Variants in PAQR9 observed in about 807,000 individuals in gnomAD.
PAQR9 encodes membrane progestin receptor epsilon.
PAQR9 carries 12 observed loss-of-function variants against 24.0 expected under a neutral mutation model. The ratio of observed to expected loss-of-function variants is 0.50; its 90% CI spans 0.32 to 0.81. The LOEUF (loss-of-function observed/expected upper bound fraction) is 0.81, where lower values mean the gene tolerates loss of function less well. Ranked by LOEUF, PAQR9 falls within the 30% of genes least tolerant of loss-of-function variation. The probability of loss-of-function intolerance (pLI) is 0.03; values close to 1 mark genes in which losing one functional copy is unlikely to be tolerated. For missense variants in PAQR9, 418 were observed against 520.8 expected (o/e 0.80, Z 1.92); for synonymous variants, 266 against 237.6 (o/e 1.12, Z -1.10).
chr3:142,959,474 T>C lies in PAQR9; in HGVS notation c.*2729A>G, dbSNP rs1934852549. ...TTCAACTAGAATGTCCTCTTGTCAT[T>C]ATTATATGTGGTCTACAAAATCTAA... On this transcript the variant is annotated 3_prime_UTR_variant, in exon 1 of 1. Coordinates refer to ENST00000340634, the MANE Select transcript of PAQR9 (RefSeq NM_198504.4). Among the ~76,000 whole-genome samples, 1 of 152,198 alleles carries C rather than the reference T, an allele frequency of 6.6e-6. No homozygotes were observed. Among genetic ancestry groups the C allele is most frequent in the African/African-American group, 2.4e-5 (1 of 41,452 alleles).
In PAQR9 at chr3:142,962,530, C is replaced by T; in HGVS notation, c.807G>A (p.Glu269=). ...AGAAGTGCACGAAGAGTGTGGGGTT[C>T]TCCCCACGCAGGTCGAAGAGCCAGC... is the stretch of plus-strand genomic sequence containing the variant. ...LESWLFDLRG[E]NPTLFVHFYR... Residue 269 remains glutamate (E), a synonymous_variant, in exon 1 of 1, where the codon GAG becomes GAA. Coordinates refer to ENST00000340634, the MANE Select transcript of PAQR9 (RefSeq NM_198504.4). 1 of 1,613,594 alleles carries T rather than the reference C, an allele frequency of 6.2e-7. No homozygotes were observed. Among genetic ancestry groups the T allele is most frequent in the Non-Finnish European group, 8.5e-7 (1 of 1,179,872 alleles).
rs747281196 is a variant in PAQR9, at chr3:142,957,403, CCTAT to C, written c.*4796_*4799del. Among the ~76,000 whole-genome samples the C allele has an allele frequency of 1.4e-4, 22 of 152,330 alleles. 1 individual carries two copies. The East Asian group carries it at 3.3e-3, about 23-fold the overall frequency. ...TGTTCTCCCCTTCCCATGCATTCTTCCTATCTTTTTTACCTCTGACACTTTTTAA... is the reference window on the plus strand; with the variant it reads ...TGTTCTCCCCTTCCCATGCATTCTTCCTTTTTTACCTCTGACACTTTTTAA... On this transcript the variant is annotated 3_prime_UTR_variant, in exon 1 of 1. Transcript: ENST00000340634.
chr3:142,961,871 A>T lies in PAQR9; in HGVS notation c.*332T>A. ...CTCCTTATTACCAATGGCACAGATG[A>T]TTGGAAAAGCAAACTCTTTGGGGCT... On this transcript the variant is annotated 3_prime_UTR_variant, in exon 1 of 1. Transcript: ENST00000340634. The T allele has an allele frequency of 3.1e-6, 1 of 324,590 alleles. No homozygotes were observed. The highest frequency in any genetic ancestry group is 5.8e-6 in the Non-Finnish European group (1 of 172,418). The allele number at this position is 324,590 out of a possible 1,614,324, so 20.1% of individuals were successfully genotyped here.
rs73003353 is a variant in PAQR9, at chr3:142,955,204, C to T, written c.*6999G>A. 0.021 allele frequency among the ~76,000 whole-genome samples: 3,148 copies of T among 152,138 alleles called. 40 individuals are homozygous for T. Among genetic ancestry groups the T allele is most frequent in the South Asian group, 0.033 (158 of 4,822 alleles). ...GCCCTTTACTGCAAAAGGGGACCTG[C>T]TGGTTGTACATTCTTGCAAATCCAA... On this transcript the variant is annotated 3_prime_UTR_variant, in exon 1 of 1. Transcript: ENST00000340634.
In PAQR9 at chr3:142,960,275, A is replaced by G. The variant is rs554889514; in HGVS notation, c.*1928T>C. The G allele has an allele frequency of 2.6e-5, 4 of 152,378 alleles. No homozygotes were observed. The highest frequency in any genetic ancestry group is 9.6e-5 in the African/African-American group (4 of 41,584). 9.4% of individuals were successfully genotyped at this position (152,378 alleles called of 1,614,324 possible). On this transcript the variant is annotated 3_prime_UTR_variant, in exon 1 of 1. Coordinates refer to ENST00000340634, the MANE Select transcript of PAQR9 (RefSeq NM_198504.4). ...TGTTTACAGAGAAGTGATTAAAAGC[A>G]TAAACAAAACCAGCAATTGTTTTAG...
chr3:142,950,563 A>G (rs759066661), downstream of PAQR9: 4 of 447,826 alleles, frequency 8.9e-6, no homozygotes, highest in South Asian at 6.3e-5. Flanking sequence ...AGGAAATGGG[A>G]ACCTTCTGAT....
At position 142,962,239 on chromosome 3, in the gene PAQR9, C is replaced by T; in HGVS notation, c.1098G>A (p.Lys366=). The stretch of plus-strand genomic sequence containing the variant: ...TGCAGAATTCGGAGCTGTTTAGGAA[C>T]TTCCTGATTACCAGCCCCAGGCAGA... ...LVVCLGLVIR[K]FLNSSEFCSK... Residue 366 remains lysine (K), a synonymous_variant, in exon 1 of 1, where the codon AAG becomes AAA. Transcript: ENST00000340634. 6 of 1,614,092 alleles carry T rather than the reference C, an allele frequency of 3.7e-6. No individual in the cohort carries two copies. Among genetic ancestry groups the T allele is most frequent in the Non-Finnish European group, 5.1e-6 (6 of 1,180,034 alleles).
At position 142,956,818 on chromosome 3, in the gene PAQR9, A is replaced by T. The variant is rs1934796436; in HGVS notation, c.*5385T>A. Reference sequence around the variant, plus strand: ...TTATCCTTTTTTAAATGACAACAACAGAAATTTATATTAGCTTTTGGAAGA... The same window carrying T: ...TTATCCTTTTTTAAATGACAACAACTGAAATTTATATTAGCTTTTGGAAGA... On this transcript the variant is annotated 3_prime_UTR_variant, in exon 1 of 1. Transcript: ENST00000340634. 6.6e-6 allele frequency among the ~76,000 whole-genome samples: 1 copy of T among 152,254 alleles called. No homozygotes were observed. Among genetic ancestry groups the T allele is most frequent in the East Asian group, 1.9e-4 (1 of 5,204 alleles).
Position 142,962,012 on chromosome 3 carries a change from C to G in PAQR9, c.*191G>C. The G allele has an allele frequency of 1.5e-6, 1 of 658,432 alleles. No homozygotes were observed. The highest frequency in any genetic ancestry group is 2.8e-5 in the East Asian group (1 of 35,184). 40.8% of individuals were successfully genotyped at this position (658,432 alleles called of 1,614,324 possible). On this transcript the variant is annotated 3_prime_UTR_variant, in exon 1 of 1. Transcript: ENST00000340634. The stretch of plus-strand genomic sequence containing the variant: ...TCTCCCTCCCGCTTGACCACCCCTG[C>G]CAACCTCCCTACTTCAAAGCCTCCA...
chr3:142,953,857 G>A (rs1418657929), downstream of PAQR9, among the ~76,000 whole-genome samples: 2 of 152,130 alleles, frequency 1.3e-5, no homozygotes, highest in African/African-American at 4.8e-5. Flanking sequence ...ATTTGAATTG[G>A]GGACAGACAC....
rs764503565 is a variant in PAQR9, at chr3:142,963,103, C to T, written c.234G>A (p.Leu78=). The T allele has an allele frequency of 9.9e-6, 16 of 1,613,914 alleles. 2 individuals are homozygous for T. The South Asian group carries it at 1.6e-4, about 17-fold the overall frequency. The change falls in exon 1 of 1, where the codon CTG becomes CTA. Residue 78 remains leucine (L), a synonymous_variant. Coordinates refer to ENST00000340634, the MANE Select transcript of PAQR9 (RefSeq NM_198504.4). Reference sequence around the variant, plus strand: ...AGTTGAGCGTCTCGTTGGTAGGCTTCAGCACCGAGGCTAGGCACTCCTGGG... The same window carrying T: ...AGTTGAGCGTCTCGTTGGTAGGCTTTAGCACCGAGGCTAGGCACTCCTGGG... ...CTAQECLASV[L]KPTNETLNFW...
downstream of PAQR9, among the ~76,000 whole-genome samples, chr3:142,951,362 A>C (rs578242695): frequency 6.8e-4 from 103 of 152,362 alleles, 1 homozygote; most frequent in Non-Finnish European, 9.3e-4. Context: ...AAATAGAATC[A>C]AACTCTCTGA....
downstream of PAQR9, among the ~76,000 whole-genome samples, chr3:142,952,167 A>T (rs921132175): frequency 1.1e-4 from 17 of 152,152 alleles, no homozygotes; most frequent in Non-Finnish European, 1.6e-4. Context: ...TATTGAGTAG[A>T]AGTAGTTGAT....
chr3:142,956,004 A>G lies in PAQR9; in HGVS notation c.*6199T>C, dbSNP rs1934785923. 6.6e-6 allele frequency among the ~76,000 whole-genome samples: 1 copy of G among 152,228 alleles called. No individual in the cohort carries two copies. The highest frequency in any genetic ancestry group is 1.5e-5 in the Non-Finnish European group (1 of 68,034). On this transcript the variant is annotated 3_prime_UTR_variant, in exon 1 of 1. Coordinates refer to ENST00000340634, the MANE Select transcript of PAQR9 (RefSeq NM_198504.4). ...CACCGGATAAAGATGAGTCTTTCCA[A>G]AAAGCTCTGGTTCTCACTTATGTGC...
At position 142,962,891 on chromosome 3, in the gene PAQR9, A is replaced by T. The variant is rs372655889; in HGVS notation, c.446T>A (p.Leu149Gln). Residue 149 changes from leucine (L) to glutamine (Q), a missense_variant, in exon 1 of 1, where the codon CTG (leucine) becomes CAG (glutamine). Coordinates refer to ENST00000340634, the MANE Select transcript of PAQR9 (RefSeq NM_198504.4). The stretch of plus-strand genomic sequence containing the variant: ...GTCCAGGTAGAAGAAGGCGGCGCGC[A>T]GACGCAGCGACAGGCAGCTGAACAC... ...AHVFSCLSLR[L>Q]RAAFFYLDYA... 3.1e-6 allele frequency: 5 copies of T among 1,613,802 alleles called. No homozygotes were observed. Among genetic ancestry groups the T allele is most frequent in the Non-Finnish European group, 4.2e-6 (5 of 1,179,990 alleles).
In PAQR9 at chr3:142,954,752, A is replaced by G. The variant is rs1212070325; in HGVS notation, c.*7451T>C. 6.6e-6 allele frequency among the ~76,000 whole-genome samples: 1 copy of G among 152,078 alleles called. No individual in the cohort carries two copies. Among genetic ancestry groups the G allele is most frequent in the African/African-American group, 2.4e-5 (1 of 41,412 alleles). On this transcript the variant is annotated 3_prime_UTR_variant, in exon 1 of 1. Coordinates refer to ENST00000340634, the MANE Select transcript of PAQR9 (RefSeq NM_198504.4). ...CAGAAATGTGTCACATTTTTTTTTCAGCTACATGCACAGAACTGGCCAAAG... is the reference window on the plus strand; with the variant it reads ...CAGAAATGTGTCACATTTTTTTTTCGGCTACATGCACAGAACTGGCCAAAG...
In PAQR9 at chr3:142,959,184, A is replaced by G. The variant is rs894112163; in HGVS notation, c.*3019T>C. 2.6e-5 allele frequency among the ~76,000 whole-genome samples: 4 copies of G among 152,228 alleles called. No homozygotes were observed. The highest frequency in any genetic ancestry group is 9.6e-5 in the African/African-American group (4 of 41,456). Reference sequence around the variant, plus strand: ...TTCAAACAGCTGAACACAATAAAGTAAAACTGAATTTTAATGTGGCAAAAT... The same window carrying G: ...TTCAAACAGCTGAACACAATAAAGTGAAACTGAATTTTAATGTGGCAAAAT... On this transcript the variant is annotated 3_prime_UTR_variant, in exon 1 of 1. Transcript: ENST00000340634.
chr3:142,961,678 C>T lies in PAQR9; in HGVS notation c.*525G>A, dbSNP rs550789429. 4.9e-4 allele frequency: 77 copies of T among 158,034 alleles called. No individual in the cohort carries two copies. Among genetic ancestry groups the T allele is most frequent in the Non-Finnish European group, 1.1e-3 (75 of 71,150 alleles). The allele number at this position is 158,034 out of a possible 1,614,324, so 9.8% of individuals were successfully genotyped here. ...CATTTTGAAATAATTAACTTGTGTT[C>T]ACATTCCATGCATTTTCTAGCAGGT... On this transcript the variant is annotated 3_prime_UTR_variant, in exon 1 of 1. Coordinates refer to ENST00000340634, the MANE Select transcript of PAQR9 (RefSeq NM_198504.4).
In PAQR9 at chr3:142,956,982, C is replaced by G. The variant is rs1934799631; in HGVS notation, c.*5221G>C. Among the ~76,000 whole-genome samples the G allele has an allele frequency of 6.6e-6, 1 of 152,298 alleles. No homozygotes were observed. On this transcript the variant is annotated 3_prime_UTR_variant, in exon 1 of 1. Coordinates refer to ENST00000340634, the MANE Select transcript of PAQR9 (RefSeq NM_198504.4). ...AGTGCTCAGCTCCAACCACTGAATG[C>G]TTCCTTTTTCAGTTTGTCTAGGCTT... is the stretch of plus-strand genomic sequence containing the variant.
Sources: gnomAD v4.1 joint callset for allele counts (sites outside exome capture counted in the v4.1 genomes callset) on GRCh38, gnomAD v4.1.1 for gene constraint, MANE v1.5 for transcripts, NCBI Gene and HGNC (gene_info 2026-07-23, HGNC 2026-07-21) for gene names.